Variants in DPP6 observed in about 807,000 individuals in gnomAD.
The protein encoded by DPP6 is dipeptidyl peptidase like 6.
DPP6 carries 69 observed loss-of-function variants against 122.6 expected under a neutral mutation model. The observed-to-expected ratio is 0.56, with a 90% CI of 0.46 to 0.69. The LOEUF is 0.69. DPP6 is among the 30% of genes least tolerant of loss of function. The probability of loss-of-function intolerance (pLI) is 0.00; values close to 1 mark genes in which losing one functional copy is unlikely to be tolerated. For missense variants in DPP6, 928 were observed against 1,116.9 expected (o/e 0.83, Z 2.41); for synonymous variants, 418 against 433.1 (o/e 0.97, Z 0.43).
At chr7:154,853,705 GC>G (rs1162404922) in intron 16 of DPP6, 74 bp from the exon 17 acceptor site, 2 of 1,539,784 alleles carry the variant, frequency 1.3e-6, no homozygotes, top group Admixed American at 2.0e-5. Flanking sequence ...CATAAGAAAA[GC>G]CTGTTTTCTT....
chr7:154,751,729 G>GC (rs990717370), intron 8 of DPP6, among the ~76,000 whole-genome samples: 1 of 152,192 alleles, frequency 6.6e-6, no homozygotes, highest in African/African-American at 2.4e-5. Flanking sequence ...ATCGACGCGG[G>GC]CCCATGTGCT....
intron 1 of DPP6, among the ~76,000 whole-genome samples, chr7:154,033,234 C>G (rs1182384699): frequency 6.6e-6 from 1 of 152,242 alleles, no homozygotes; most frequent in African/African-American, 2.4e-5. Context: ...GGATGGGTTA[C>G]TATATCCTTT....
At chr7:154,306,373 C>T (rs1262844877) in intron 1 of DPP6, among the ~76,000 whole-genome samples, 2 of 152,210 alleles carry the variant, frequency 1.3e-5, no homozygotes, top group Non-Finnish European at 2.9e-5. Flanking sequence ...AATCATTGCT[C>T]AGTTCACCTC....
chr7:153,858,599 G>T, the DPP6 span, among the ~76,000 whole-genome samples: 8 of 152,150 alleles, frequency 5.3e-5, no homozygotes, highest in Admixed American at 2.0e-4. Context: ...AGAACCAGTG[G>T]CTTCCTGTGA....
chr7:154,430,765 C>A (rs2151253034), intron 1 of DPP6, among the ~76,000 whole-genome samples: 1 of 152,274 alleles, frequency 6.6e-6, no homozygotes, highest in East Asian at 1.9e-4. Flanking sequence ...TGTCTTTAAT[C>A]CTCACTTCAG....
At chr7:154,132,373 C>T (rs1795327863) in intron 1 of DPP6, among the ~76,000 whole-genome samples, 1 of 152,148 alleles carries the variant, frequency 6.6e-6, no homozygotes, top group Non-Finnish European at 1.5e-5. Flanking sequence ...TTCAGCTTAA[C>T]CCACAGGGCA....
intron 4 of DPP6, among the ~76,000 whole-genome samples, chr7:154,561,542 A>G (rs916312511): frequency 1.7e-4 from 26 of 152,260 alleles, no homozygotes; most frequent in African/African-American, 6.3e-4. Context: ...GAATGAAAAT[A>G]AAAGCAATAA....
At chr7:154,735,420 T>G (rs1410154951) in intron 8 of DPP6, among the ~76,000 whole-genome samples, 1 of 152,252 alleles carries the variant, frequency 6.6e-6, no homozygotes, top group East Asian at 1.9e-4. Context: ...AAAGTAATGA[T>G]GAAAATATCT....
At chr7:153,847,656 A>G in the DPP6 span, among the ~76,000 whole-genome samples, 1 of 152,168 alleles carries the variant, frequency 6.6e-6, no homozygotes, top group African/African-American at 2.4e-5. Context: ...ATAGAATTTT[A>G]GCAGACACTC....
At chr7:153,993,501 A>G (rs1274394282) in intron 1 of DPP6, among the ~76,000 whole-genome samples, 1 of 152,250 alleles carries the variant, frequency 6.6e-6, no homozygotes, top group African/African-American at 2.4e-5. Flanking sequence ...TTCGTGATGT[A>G]TCAACCTCGG....
intron 1 of DPP6, among the ~76,000 whole-genome samples, chr7:153,940,229 T>A (rs1273981692): frequency 2.0e-5 from 3 of 152,182 alleles, no homozygotes; most frequent in African/African-American, 7.2e-5. Context: ...GACCTAGCCA[T>A]GACAGCACTT....
At chr7:154,139,915 C>T (rs1226850724) in intron 1 of DPP6, among the ~76,000 whole-genome samples, 2 of 152,158 alleles carry the variant, frequency 1.3e-5, no homozygotes, top group African/African-American at 4.8e-5. Flanking sequence ...TGGCATTGCC[C>T]TTGGGAAAGG....
chr7:154,209,841 T>G (rs962595628), intron 1 of DPP6, among the ~76,000 whole-genome samples: 1 of 152,180 alleles, frequency 6.6e-6, no homozygotes, highest in Non-Finnish European at 1.5e-5. Flanking sequence ...CATTCTTCCT[T>G]GCCAAAGGGA....
At chr7:154,678,958 C>A in intron 7 of DPP6, among the ~76,000 whole-genome samples, 1 of 152,010 alleles carries the variant, frequency 6.6e-6, no homozygotes, top group Non-Finnish European at 1.5e-5. Flanking sequence ...CAATAAATGT[C>A]TTTGATTGTT....
chr7:154,224,234 A>G, intron 1 of DPP6, among the ~76,000 whole-genome samples: 1 of 149,010 alleles, frequency 6.7e-6, no homozygotes, highest in East Asian at 2.0e-4. Flanking sequence ...GAGCCAGGAG[A>G]ATAGCTTCAA....
chr7:154,241,279 A>G lies in DPP6; in HGVS notation c.243+188216A>G, dbSNP rs1404979113. ...TCCATTTAGGAAGACAAACATATTC[A>G]TAACTATGTTTTCCATTAAAGTATG... On this transcript the variant is annotated intron_variant, in intron 1 of 25. Coordinates refer to ENST00000377770, the MANE Select transcript of DPP6 (RefSeq NM_130797.4). This position sits in a 1 kb window ranked among gnomAD's most constrained non-coding sequence, Gnocchi z 9.0. Among the ~76,000 whole-genome samples the G allele has an allele frequency of 6.6e-6, 1 of 151,968 alleles. No individual in the cohort carries two copies. The highest frequency in any genetic ancestry group is 1.5e-5 in the Non-Finnish European group (1 of 67,998).
At chr7:154,482,425 A>G (rs576874696) in intron 3 of DPP6, among the ~76,000 whole-genome samples, 2 of 152,340 alleles carry the variant, frequency 1.3e-5, no homozygotes, top group Non-Finnish European at 2.9e-5. Flanking sequence ...TTCTTGTATT[A>G]TATATACTAC....
In DPP6 at chr7:154,481,367, G is replaced by C. The variant is rs1227375790; in HGVS notation, c.457+6330G>C. 6.6e-6 allele frequency among the ~76,000 whole-genome samples: 1 copy of C among 151,668 alleles called. No individual in the cohort carries two copies. The highest frequency in any genetic ancestry group is 2.4e-5 in the African/African-American group (1 of 41,222). ...GAGGGGTGTGTGTGTGTGTGTGTGT[G>C]TGTGTGTCTGTGTGTGTGTGCATGT... On this transcript the variant is annotated intron_variant, in intron 3 of 25. Coordinates refer to ENST00000377770, the MANE Select transcript of DPP6 (RefSeq NM_130797.4). The surrounding 1 kb of genome is among the most constrained non-coding windows in gnomAD (Gnocchi z 4.2).
intron 7 of DPP6, among the ~76,000 whole-genome samples, chr7:154,702,643 G>GT (rs1563120690): frequency 6.6e-6 from 1 of 152,218 alleles, no homozygotes; most frequent in Non-Finnish European, 1.5e-5. Flanking sequence ...GCCAAGGGAG[G>GT]TAACGAGGCT....
Sources: allele counts gnomAD v4.1 joint callset (sites outside exome capture counted in the v4.1 genomes callset), GRCh38; gene constraint gnomAD v4.1.1; non-coding constraint Gnocchi (gnomAD v3.1); transcripts MANE v1.5; gene names NCBI Gene and HGNC (gene_info 2026-07-23, HGNC 2026-07-21).